Variants in LCA5 observed in about 807,000 individuals in gnomAD.
The protein encoded by LCA5 is lebercilin LCA5.
LCA5 carries 37 observed loss-of-function variants against 53.0 expected under a neutral mutation model. The ratio of observed to expected loss-of-function variants is 0.70; its 90% CI spans 0.54 to 0.92. The LOEUF (loss-of-function observed/expected upper bound fraction) is 0.92, where lower values mean the gene tolerates loss of function less well. LCA5 is among the 40% of genes least tolerant of loss of function. LCA5 has a pLI of 0.00. For synonymous variants in LCA5, 303 were observed against 282.9 expected (o/e 1.07, Z -0.71); for missense variants, 806 against 790.5 (o/e 1.02, Z -0.23).
chr6:79,487,919 A>C, intron 7 of LCA5, 53 bp from the exon 8 acceptor site: 1 of 1,375,198 alleles, frequency 7.3e-7, no homozygotes, highest in African/African-American at 1.4e-5. Context: ...AATATTTTTA[A>C]ATAGGAAAAC....
chr6:79,510,789 C>T (rs1156739800), intron 3 of LCA5, among the ~76,000 whole-genome samples: 1 of 152,070 alleles, frequency 6.6e-6, no homozygotes, highest in East Asian at 1.9e-4. Context: ...CACAGATCTA[C>T]AGATGGCACA....
At chr6:79,488,047 T>G (rs1769722897) in intron 7 of LCA5, 181 bp from the exon 8 acceptor site, 1 of 586,322 alleles carries the variant, frequency 1.7e-6, no homozygotes, top group Admixed American at 3.4e-5. Context: ...ATATATTTAA[T>G]ACGTATTGCA....
intron 1 of LCA5, among the ~76,000 whole-genome samples, chr6:79,536,727 T>A (rs1767137772): frequency 6.6e-6 from 1 of 152,214 alleles, no homozygotes; most frequent in African/African-American, 2.4e-5. Flanking sequence ...AGCCTCCTTT[T>A]CCGTCTTGGC....
chr6:79,493,572 T>C, intron 4 of LCA5, 41 bp downstream of exon 4: 2 of 1,550,670 alleles, frequency 1.3e-6, no homozygotes, highest in Non-Finnish European at 1.8e-6. Context: ...AATTTTCGTC[T>C]AATACACATT....
intron 3 of LCA5, 22 bp from the exon 4 acceptor site, chr6:79,493,772 A>T (rs775411977): frequency 6.3e-7 from 1 of 1,579,664 alleles, no homozygotes; most frequent in Non-Finnish European, 8.6e-7. Flanking sequence ...AATACATAAA[A>T]AGCAGTCCTT....
rs945420562 is a variant in LCA5 at position 79,489,105 on chromosome 6, C to T, written c.1210G>A (p.Glu404Lys). The T allele has an allele frequency of 4.3e-6, 7 of 1,613,184 alleles. No homozygotes were observed. The highest frequency in any genetic ancestry group is 5.9e-6 in the Non-Finnish European group (7 of 1,179,788). ...TTACCATCCTCCAGCTTTTCAACCT[C>T]CTGTTTTACGACATGGAGTTCTTCA... ...TDEELHVVKQ[E>K]VEKLEDEWER... The change falls in exon 7 of 8, where the codon GAG (glutamate) becomes AAG (lysine). Residue 404 changes from glutamate (E) to lysine (K), a missense_variant. Glu to Lys is a moderately conservative substitution (Grantham distance 56, BLOSUM62 1). Transcript: ENST00000369846.
chr6:79,494,254 A>G (rs747069593), intron 3 of LCA5, among the ~76,000 whole-genome samples: 1 of 152,046 alleles, frequency 6.6e-6, no homozygotes, highest in African/African-American at 2.4e-5. Flanking sequence ...AATCTTAAGC[A>G]CACACACATT....
chr6:79,532,535 C>T (rs1013748529), intron 1 of LCA5, among the ~76,000 whole-genome samples: 3 of 152,196 alleles, frequency 2.0e-5, no homozygotes, highest in Non-Finnish European at 4.4e-5. Context: ...TCTCCTTTTT[C>T]AGGCAAACTA....
intron 3 of LCA5, among the ~76,000 whole-genome samples, chr6:79,502,923 T>TAGA (rs1770180801): frequency 6.6e-6 from 1 of 152,116 alleles, no homozygotes; most frequent in South Asian, 2.1e-4. Flanking sequence ...CTCTGTCGCG[T>TAGA]AGGCTGGAGT....
At chr6:79,534,222 CAAAA>C (rs869062795) in intron 1 of LCA5, among the ~76,000 whole-genome samples, 1 of 151,310 alleles carries the variant, frequency 6.6e-6, no homozygotes, top group East Asian at 1.9e-4. Flanking sequence ...AAAAATAAAA[CAAAA>C]AATAAAGTTT....
At chr6:79,538,125 G>A (rs572184541), upstream of LCA5, among the ~76,000 whole-genome samples, 7 of 119,478 alleles carry the variant, frequency 5.9e-5, no homozygotes, top group South Asian at 1.7e-3. Flanking sequence ...TTTAGAAATG[G>A]CATTAATTGC....
At chr6:79,498,808 C>A (rs1220043133) in intron 3 of LCA5, among the ~76,000 whole-genome samples, 1 of 151,814 alleles carries the variant, frequency 6.6e-6, no homozygotes, top group African/African-American at 2.4e-5. Context: ...AGGAATAAAT[C>A]CAGTTTTCAG....
At position 79,518,973 on chromosome 6, in the gene LCA5, A is replaced by T. The variant is rs1009442617; in HGVS notation, c.-79T>A. 3.4e-5 allele frequency: 43 copies of T among 1,272,342 alleles called. No homozygotes were observed. In the Admixed American group the frequency reaches 5.9e-4, roughly 17 times the overall value. The allele number at this position is 1,272,342 out of a possible 1,614,324, so 78.8% of individuals were successfully genotyped here. On this transcript the variant is annotated 5_prime_UTR_variant, in exon 2 of 8. The change abolishes an upstream ATG in the 5' untranslated region. Coordinates refer to ENST00000369846, the MANE Select transcript of LCA5 (RefSeq NM_001122769.3). The stretch of plus-strand genomic sequence containing the variant: ...GGAGACTATGACAATACTGAAAAAC[A>T]TTTTCACAGTCTTCAGATCCTGATA...
chr6:79,514,723 G>T (rs1315238863), intron 2 of LCA5, among the ~76,000 whole-genome samples: 3 of 152,116 alleles, frequency 2.0e-5, no homozygotes, highest in Non-Finnish European at 4.4e-5. Flanking sequence ...TTCGTGAATG[G>T]AACTGGAGGC....
In LCA5 at chr6:79,537,365, T is replaced by C. The variant is rs1455326600; in HGVS notation, c.-392A>G. The C allele has an allele frequency of 6.6e-6, 1 of 152,656 alleles. No individual in the cohort carries two copies. The highest frequency in any genetic ancestry group is 1.5e-5 in the Non-Finnish European group (1 of 68,418). The allele number at this position is 152,656 out of a possible 1,614,324, so 9.5% of individuals were successfully genotyped here. A position where few individuals can be genotyped will look rare whatever the true frequency, so the allele number is the denominator to read the frequency against. ...CACAAGGATGGGACAGAGGCGAGGATCGGGGCTCCTGGGTGGCAGCGGCGG... is the reference window on the plus strand; with the variant it reads ...CACAAGGATGGGACAGAGGCGAGGACCGGGGCTCCTGGGTGGCAGCGGCGG... On this transcript the variant is annotated 5_prime_UTR_variant, in exon 1 of 8. Transcript: ENST00000369846.
intron 4 of LCA5, 34 bp from the exon 5 acceptor site, chr6:79,492,681 A>G (rs776948910): frequency 5.3e-6 from 6 of 1,123,042 alleles, no homozygotes; most frequent in Non-Finnish European, 7.9e-6. Flanking sequence ...AAGGAAGTAG[A>G]GCCTCTGCTT....
chr6:79,505,705 G>A (rs995541163), intron 3 of LCA5, among the ~76,000 whole-genome samples: 3 of 152,106 alleles, frequency 2.0e-5, no homozygotes, highest in Non-Finnish European at 4.4e-5. Flanking sequence ...ATGCAGAAGA[G>A]GTAGAAGAGG....
intron 3 of LCA5, among the ~76,000 whole-genome samples, chr6:79,494,289 C>T (rs910924248): frequency 6.6e-6 from 1 of 151,922 alleles, no homozygotes; most frequent in African/African-American, 2.4e-5. Context: ...GATACCAAGA[C>T]AGATAAAATT....
chr6:79,522,012 C>T (rs936038556), intron 1 of LCA5, among the ~76,000 whole-genome samples: 1 of 151,912 alleles, frequency 6.6e-6, no homozygotes, highest in African/African-American at 2.4e-5. Flanking sequence ...TGTTTAAATC[C>T]TTGAGTTCAT....
Sources: gnomAD v4.1 joint callset for allele counts (sites outside exome capture counted in the v4.1 genomes callset) on GRCh38, gnomAD v4.1.1 for gene constraint, MANE v1.5 for transcripts, NCBI Gene and HGNC (gene_info 2026-07-23, HGNC 2026-07-21) for gene names.